KBTBD2: variants seen among roughly 807,000 people sequenced by gnomAD.
KBTBD2 encodes kelch repeat and BTB domain containing 2, also known as kelch repeat and BTB domain-containing protein 2.
Under a neutral mutation model 57.1 loss-of-function variants are expected in KBTBD2, and 17 were observed. The observed-to-expected ratio is 0.30, with a 90% CI of 0.20 to 0.45. The LOEUF is 0.45. Among genes scored for constraint, KBTBD2 ranks in the 20% least tolerant of loss-of-function variants. The pLI, the probability that KBTBD2 is intolerant of heterozygous loss-of-function variation, is 1.00. For synonymous variants in KBTBD2, 267 were observed against 262.7 expected (o/e 1.02, Z -0.16); for missense variants, 515 against 750.6 (o/e 0.69, Z 3.67).
chr7:32,883,613 T>C (rs1376784712), intron 1 of KBTBD2, among the ~76,000 whole-genome samples: 1 of 152,274 alleles, frequency 6.6e-6, no homozygotes, highest in South Asian at 2.1e-4. Flanking sequence ...ATTTTGTATA[T>C]CATTCTATAT....
At chr7:32,889,914 T>C (rs554782316) in intron 1 of KBTBD2, among the ~76,000 whole-genome samples, 2 of 152,352 alleles carry the variant, frequency 1.3e-5, no homozygotes, top group South Asian at 4.1e-4. Context: ...TGTTCAATGT[T>C]TAGGAATGAA....
At chr7:32,886,140 C>T (rs1399353150) in intron 1 of KBTBD2, among the ~76,000 whole-genome samples, 1 of 152,054 alleles carries the variant, frequency 6.6e-6, no homozygotes. Flanking sequence ...AAACTCTTGA[C>T]CTCAGGTGAT....
rs1347780067 is a variant in KBTBD2 at position 32,870,201 on chromosome 7, T to C, written c.1016A>G (p.Lys339Arg). 1.9e-6 allele frequency: 3 copies of C among 1,614,044 alleles called. No individual in the cohort carries two copies. The highest frequency in any genetic ancestry group is 2.5e-6 in the Non-Finnish European group (3 of 1,180,042). ...NTKTNHSKTS[K>R]LQTAFRTVNC... The stretch of plus-strand genomic sequence containing the variant: ...CACAGTTCTGAAGGCAGTCTGAAGT[T>C]TGCTTGTTTTACTGTGATTTGTTTT... The change falls in exon 4 of 4, where the codon AAA becomes AGA. Residue 339 changes from lysine (K) to arginine (R), a missense_variant. Coordinates refer to ENST00000304056, the MANE Select transcript of KBTBD2 (RefSeq NM_015483.3).
In KBTBD2 at chr7:32,870,498, T is replaced by C. The variant is rs763923062; in HGVS notation, c.719A>G (p.Asn240Ser). 5 of 1,613,900 alleles carry C rather than the reference T, an allele frequency of 3.1e-6. No individual in the cohort carries two copies. The highest frequency in any genetic ancestry group is 1.3e-5 in the African/African-American group (1 of 74,906). Residue 240 changes from asparagine (N) to serine (S), a missense_variant, in exon 4 of 4, where the codon AAT becomes AGT. Coordinates refer to ENST00000304056, the MANE Select transcript of KBTBD2 (RefSeq NM_015483.3). ...ACCTTGAACCACCACTGACTTATCA[T>C]TGGGTGGCAGACCTTGAAACCAAGC... ...QRAWFQGLPPNDKSVVVQGLY... is the reference protein window; with the variant it reads ...QRAWFQGLPPSDKSVVVQGLY...
chr7:32,881,650 A>T (rs761536019), intron 1 of KBTBD2, among the ~76,000 whole-genome samples: 1 of 152,222 alleles, frequency 6.6e-6, no homozygotes, highest in Non-Finnish European at 1.5e-5. Flanking sequence ...ATTTAAGGTA[A>T]TAACTTTGCT....
chr7:32,882,478 C>T (rs561060935), intron 1 of KBTBD2, among the ~76,000 whole-genome samples: 8 of 152,200 alleles, frequency 5.3e-5, no homozygotes, highest in Non-Finnish European at 4.4e-5. Context: ...TCCATGAAAC[C>T]GTATTAAAAC....
intron 1 of KBTBD2, among the ~76,000 whole-genome samples, chr7:32,880,341 G>A (rs1191853654): frequency 6.6e-6 from 1 of 151,836 alleles, no homozygotes; most frequent in Admixed American, 6.6e-5. Flanking sequence ...CAAAAAACCT[G>A]CTCTCCTACA....
chr7:32,872,390 T>C, intron 3 of KBTBD2, among the ~76,000 whole-genome samples: 1 of 151,924 alleles, frequency 6.6e-6, no homozygotes. Flanking sequence ...TAATAAGGAG[T>C]AAAGGTTGGC....
At chr7:32,890,703 C>CACACCCTTTTA in intron 1 of KBTBD2, among the ~76,000 whole-genome samples, 1 of 152,346 alleles carries the variant, frequency 6.6e-6, no homozygotes, top group East Asian at 1.9e-4. Context: ...AGTTCACACA[C>CACACCCTTTTA]ACACCCTTTT....
chr7:32,880,782 G>A (rs772646585), intron 1 of KBTBD2, among the ~76,000 whole-genome samples: 6 of 152,050 alleles, frequency 3.9e-5, no homozygotes, highest in Non-Finnish European at 7.4e-5. Context: ...CTATAAAACT[G>A]CCATAAAACC....
At chr7:32,880,854 G>A (rs1267169437) in intron 1 of KBTBD2, among the ~76,000 whole-genome samples, 1 of 152,140 alleles carries the variant, frequency 6.6e-6, no homozygotes, top group Non-Finnish European at 1.5e-5. Context: ...TGTAATCCCA[G>A]CACTTTGGTA....
At chr7:32,883,753 T>C (rs1176828543) in intron 1 of KBTBD2, among the ~76,000 whole-genome samples, 3 of 152,230 alleles carry the variant, frequency 2.0e-5, no homozygotes, top group African/African-American at 7.2e-5. Context: ...ATTCCACAAA[T>C]GTTTATTGAA....
chr7:32,879,450 C>A lies in KBTBD2; in HGVS notation c.155G>T (p.Cys52Phe). Residue 52 changes from cysteine to phenylalanine, a missense_variant, in exon 2 of 4, where the codon TGT (cysteine) becomes TTT (phenylalanine). Transcript: ENST00000304056. The part of the protein sequence containing the change: ...FPCHKMVLAT[C>F]SSYFRAMFMS... The stretch of plus-strand genomic sequence containing the variant: ...AAGTACTTACCTGAAATAAGAGCTA[C>A]ATGTTGCAAGAACCATCTTATGACA... 6.2e-7 allele frequency: 1 copy of A among 1,609,450 alleles called. No individual in the cohort carries two copies.
intron 1 of KBTBD2, among the ~76,000 whole-genome samples, chr7:32,884,098 T>C (rs997629909): frequency 6.6e-6 from 1 of 152,164 alleles, no homozygotes; most frequent in Non-Finnish European, 1.5e-5. Flanking sequence ...TGAGCAAAGG[T>C]ATCTGGTGCT....
chr7:32,888,916 A>T (rs1784654318), intron 1 of KBTBD2, among the ~76,000 whole-genome samples: 1 of 152,192 alleles, frequency 6.6e-6, no homozygotes. Flanking sequence ...ACATAAAGGC[A>T]ATGCCACCTG....
chr7:32,873,292 G>A (rs1784227020), intron 3 of KBTBD2, among the ~76,000 whole-genome samples: 1 of 145,556 alleles, frequency 6.9e-6, no homozygotes, highest in Non-Finnish European at 1.5e-5. Flanking sequence ...GCTCAATATG[G>A]TCACATAGCC....
chr7:32,875,904 TATAA>T (rs1357979803), intron 2 of KBTBD2, among the ~76,000 whole-genome samples: 1 of 152,196 alleles, frequency 6.6e-6, no homozygotes, highest in African/African-American at 2.4e-5. Context: ...GGTCTGTGAC[TATAA>T]ATAGACACAA....
rs371246239 is a variant in KBTBD2 at position 32,877,263 on chromosome 7, C to T, written c.171-2106G>A. Reference sequence around the variant, plus strand: ...CAATCTCCTGACCTCGTGATCCGCCCGCCTCTGCCTCCCAAAGTGCTGGGA... The same window carrying T: ...CAATCTCCTGACCTCGTGATCCGCCTGCCTCTGCCTCCCAAAGTGCTGGGA... On this transcript the variant is annotated intron_variant, in intron 2 of 3. Transcript: ENST00000304056. Among the ~76,000 whole-genome samples the T allele has an allele frequency of 1.6e-4, 25 of 152,154 alleles. 1 individual carries two copies. The highest frequency in any genetic ancestry group is 5.3e-4 in the African/African-American group (22 of 41,526).
At chr7:32,884,668 C>A (rs921832745) in intron 1 of KBTBD2, among the ~76,000 whole-genome samples, 2 of 151,810 alleles carry the variant, frequency 1.3e-5, no homozygotes, top group Admixed American at 6.6e-5. Flanking sequence ...CCAGCCTGGG[C>A]AACAAGAGAG....
Sources: gnomAD v4.1 joint callset for allele counts (sites outside exome capture counted in the v4.1 genomes callset) on GRCh38, gnomAD v4.1.1 for gene constraint, MANE v1.5 for transcripts, NCBI Gene and HGNC (gene_info 2026-07-23, HGNC 2026-07-21) for gene names.